CCSER1: variants seen among roughly 807,000 people sequenced by gnomAD.
CCSER1 encodes coiled-coil serine rich protein 1.
A neutral mutation model predicts 82.0 loss-of-function variants in CCSER1; 41 were observed. That is an observed-to-expected ratio of 0.50 (90% confidence interval 0.39 to 0.65). The LOEUF is 0.65. CCSER1 is among the 30% of genes least tolerant of loss of function. CCSER1 has a pLI of 0.00. For synonymous variants in CCSER1, 414 were observed against 383.9 expected, an observed-to-expected ratio of 1.08 and a Z score of -0.92; for missense variants, 1,119 against 1,064.2, an observed-to-expected ratio of 1.05 and a Z score of -0.72.
chr4:90,780,601 A>G, intron 7 of CCSER1: 8 of 1,473,292 alleles, frequency 5.4e-6, no homozygotes, highest in Non-Finnish European at 7.1e-6. Flanking sequence ...AGGAAAAGAA[A>G]TAGGCAAAGG....
chr4:90,752,753 C>T (rs1748872202), intron 7 of CCSER1, among the ~76,000 whole-genome samples: 1 of 152,012 alleles, frequency 6.6e-6, no homozygotes, highest in South Asian at 2.1e-4. Flanking sequence ...TATTTATCTC[C>T]ATCTCAGGTT....
chr4:91,170,097 T>A (rs1020271208), intron 10 of CCSER1, among the ~76,000 whole-genome samples: 2 of 152,176 alleles, frequency 1.3e-5, no homozygotes, highest in African/African-American at 4.8e-5. Flanking sequence ...CTGCAGGAGC[T>A]GTCTTAAAAA....
intron 4 of CCSER1, among the ~76,000 whole-genome samples, chr4:90,427,754 T>G (rs1757723610): frequency 6.6e-6 from 1 of 151,738 alleles, no homozygotes; most frequent in Non-Finnish European, 1.5e-5. Context: ...TTATTTTAAT[T>G]ATATTCAGTA....
chr4:90,308,712 C>T lies in CCSER1; in HGVS notation c.428C>T (p.Thr143Ile). Residue 143 changes from threonine to isoleucine, a missense_variant, in exon 2 of 11, where the codon ACT becomes ATT. Transcript: ENST00000509176. ...EDFEREKEHSTNKNVFINCLS... is the reference protein window; with the variant it reads ...EDFEREKEHSINKNVFINCLS... ...TTTGAAAGGGAAAAAGAGCACTCAACTAACAAGAATGTCTTTATAAATTGT... is the reference window on the plus strand; with the variant it reads ...TTTGAAAGGGAAAAAGAGCACTCAATTAACAAGAATGTCTTTATAAATTGT... 1 of 1,613,570 alleles carries T rather than the reference C, an allele frequency of 6.2e-7. No homozygotes were observed. The highest frequency in any genetic ancestry group is 8.5e-7 in the Non-Finnish European group (1 of 1,179,740).
intron 9 of CCSER1, among the ~76,000 whole-genome samples, chr4:90,926,455 G>A (rs989484570): frequency 6.6e-6 from 1 of 151,946 alleles, no homozygotes; most frequent in Non-Finnish European, 1.5e-5. Context: ...TGGGAAAATA[G>A]CTGTTGCTAC....
intron 9 of CCSER1, among the ~76,000 whole-genome samples, chr4:90,966,100 C>A (rs1264873532): frequency 1.3e-5 from 2 of 151,954 alleles, no homozygotes; most frequent in Non-Finnish European, 2.9e-5. Flanking sequence ...TAAAAATGAA[C>A]AGAGACTCAG....
At chr4:91,127,712 T>A (rs1234696592) in intron 10 of CCSER1, among the ~76,000 whole-genome samples, 2 of 152,058 alleles carry the variant, frequency 1.3e-5, no homozygotes, top group Non-Finnish European at 2.9e-5. Context: ...CAACTCAGAA[T>A]GTTTCTACCT....
intron 10 of CCSER1, among the ~76,000 whole-genome samples, chr4:91,546,696 T>C (rs183785829): frequency 1.7e-4 from 26 of 152,158 alleles, no homozygotes; most frequent in African/African-American, 6.0e-4. Flanking sequence ...TTTTGTTTCA[T>C]TGCTCTCTAT....
At position 91,023,841 on chromosome 4, in the gene CCSER1, T is replaced by A. The variant is rs1209600760; in HGVS notation, c.2173-62109T>A. On this transcript the variant is annotated intron_variant, in intron 9 of 10. Coordinates refer to ENST00000509176, the MANE Select transcript of CCSER1 (RefSeq NM_001145065.2). ...ACATTTAATGCCATGTTTCTCAGAG[T>A]GTGACCCACAAAATGTTGCTGATAC... 2.0e-5 allele frequency among the ~76,000 whole-genome samples: 3 copies of A among 152,188 alleles called. No individual in the cohort carries two copies. The East Asian group carries it at 5.8e-4, about 29-fold the overall frequency.
At chr4:90,886,347 T>TC (rs1301667224) in intron 8 of CCSER1, among the ~76,000 whole-genome samples, 1 of 152,164 alleles carries the variant, frequency 6.6e-6, no homozygotes, top group Non-Finnish European at 1.5e-5. Context: ...TTCAGTCTTT[T>TC]CTTATCATGG....
At chr4:91,461,343 T>G (rs1318871366) in intron 10 of CCSER1, among the ~76,000 whole-genome samples, 1 of 152,208 alleles carries the variant, frequency 6.6e-6, no homozygotes, top group Non-Finnish European at 1.5e-5. Context: ...CTGATTGAAT[T>G]CCATTTTACA....
intron 1 of CCSER1, among the ~76,000 whole-genome samples, chr4:90,285,705 C>A (rs975186994): frequency 6.6e-6 from 1 of 151,958 alleles, no homozygotes; most frequent in Non-Finnish European, 1.5e-5. Context: ...AAGCATACAT[C>A]CTTGTCTTTT....
At chr4:90,996,457 T>G (rs1014365860) in intron 9 of CCSER1, among the ~76,000 whole-genome samples, 2 of 152,068 alleles carry the variant, frequency 1.3e-5, no homozygotes, top group African/African-American at 4.8e-5. Flanking sequence ...TATTTGCAAG[T>G]ATTAGTGGAC....
chr4:90,948,589 G>A (rs977352731), intron 9 of CCSER1, among the ~76,000 whole-genome samples: 1 of 151,870 alleles, frequency 6.6e-6, no homozygotes, highest in Non-Finnish European at 1.5e-5. Context: ...CACAGATTAT[G>A]AGAATATATC....
At chr4:90,210,450 CTTT>C (rs11438395) in intron 1 of CCSER1, among the ~76,000 whole-genome samples, 2 of 141,282 alleles carry the variant, frequency 1.4e-5, no homozygotes, top group Non-Finnish European at 3.0e-5. Flanking sequence ...CTTTTCTTTT[CTTT>C]TTTTTTTTTG....
At chr4:90,983,841 A>G (rs543919478) in intron 9 of CCSER1, among the ~76,000 whole-genome samples, 13 of 151,688 alleles carry the variant, frequency 8.6e-5, no homozygotes, top group Non-Finnish European at 1.8e-4. Flanking sequence ...TGGAATATCT[A>G]TTATACTCAT....
chr4:90,383,845 T>C (rs539653776), intron 3 of CCSER1, among the ~76,000 whole-genome samples: 1 of 152,174 alleles, frequency 6.6e-6, no homozygotes. Flanking sequence ...ATTCCTGCTA[T>C]TGAAGGCTCC....
At chr4:91,202,566 A>G (rs2149069314) in intron 10 of CCSER1, among the ~76,000 whole-genome samples, 1 of 152,176 alleles carries the variant, frequency 6.6e-6, no homozygotes. Context: ...GCAGGATAGT[A>G]TTTAAAGATT....
At chr4:91,195,131 AATAGGTTGTCC>A (rs1735306959) in intron 10 of CCSER1, among the ~76,000 whole-genome samples, 1 of 152,180 alleles carries the variant, frequency 6.6e-6, no homozygotes, top group Admixed American at 6.5e-5. Flanking sequence ...CACGAATAGA[AATAGGTTGTCC>A]ATGCTGAGAG....
Sources: allele counts gnomAD v4.1 joint callset (sites outside exome capture counted in the v4.1 genomes callset), GRCh38; gene constraint gnomAD v4.1.1; transcripts MANE v1.5; gene names NCBI Gene and HGNC (gene_info 2026-07-23, HGNC 2026-07-21).